Variants in LMO4 observed in about 807,000 individuals in gnomAD.
LMO4 encodes the protein LIM domain only 4.
A neutral mutation model predicts 18.5 loss-of-function variants in LMO4; 3 were observed. The observed-to-expected ratio is 0.16, with a 90% CI of 0.07 to 0.42. The LOEUF (loss-of-function observed/expected upper bound fraction) is 0.42. Among genes scored for constraint, LMO4 ranks in the 10% least tolerant of loss-of-function variants. The pLI is 0.99. For synonymous variants in LMO4, 100 were observed against 88.1 expected (o/e 1.14, Z -0.76); for missense variants, 121 against 219.9 (o/e 0.55, Z 2.84).
intron 4 of LMO4, among the ~76,000 whole-genome samples, chr1:87,341,100 G>C (rs915389511): frequency 6.6e-6 from 1 of 152,168 alleles, no homozygotes; most frequent in Admixed American, 6.5e-5. Context: ...TCAGTTAAGA[G>C]ACTGTTCATT....
At chr1:87,335,545 A>C (rs1650283316) in intron 2 of LMO4, among the ~76,000 whole-genome samples, 1 of 151,854 alleles carries the variant, frequency 6.6e-6, no homozygotes, top group South Asian at 2.1e-4. Flanking sequence ...TGGCGCCCGC[A>C]GCCGCAGTGA....
At chr1:87,332,346 G>C in intron 2 of LMO4, 95 bp downstream of exon 2, 1 of 897,332 alleles carries the variant, frequency 1.1e-6, no homozygotes. Context: ...GCGTCTACGG[G>C]GAGTATGCAG....
chr1:87,337,821 C>T (rs1179495576), intron 2 of LMO4, among the ~76,000 whole-genome samples: 1 of 152,196 alleles, frequency 6.6e-6, no homozygotes, highest in African/African-American at 2.4e-5. Context: ...ATCAGTGTTC[C>T]TGAAGTGTCC....
intron 4 of LMO4, among the ~76,000 whole-genome samples, chr1:87,342,237 C>CA (rs1235962848): frequency 6.6e-6 from 1 of 152,122 alleles, no homozygotes; most frequent in Non-Finnish European, 1.5e-5. Context: ...TGAATACAGG[C>CA]AATAGCAGTG....
rs895873456 is a variant in LMO4 at position 87,331,830 on chromosome 1, C to G, written c.-3-183C>G. 5 of 586,280 alleles carry G rather than the reference C, an allele frequency of 8.5e-6. No homozygotes were observed. The African/African-American group carries it at 9.3e-5, about 11-fold the overall frequency. 36.3% of individuals were successfully genotyped at this position (586,280 alleles called of 1,614,324 possible). A position where few individuals can be genotyped will look rare whatever the true frequency, so the allele number is the denominator to read the frequency against. Reference sequence around the variant, plus strand: ...CTTGAGAAAAGTAAACAGGCGGCTGCTGCCGGCGAGCCTCCCTTCTTCCCT... The same window carrying G: ...CTTGAGAAAAGTAAACAGGCGGCTGGTGCCGGCGAGCCTCCCTTCTTCCCT... On this transcript the variant is annotated intron_variant, in intron 1 of 4. Coordinates refer to ENST00000370544, the MANE Select transcript of LMO4 (RefSeq NM_006769.4).
chr1:87,339,911 C>CA, intron 3 of LMO4, 136 bp from the exon 4 acceptor site: 1 of 994,618 alleles, frequency 1.0e-6, no homozygotes, highest in Non-Finnish European at 1.5e-6. Context: ...GGAGATCTGT[C>CA]AAAGGAAGAA....
intron 1 of LMO4, chr1:87,331,584 C>G (rs1570648578): frequency 5.5e-6 from 1 of 181,502 alleles, no homozygotes; most frequent in East Asian, 1.7e-4. Context: ...GGGGAGGGGC[C>G]GGGCGCGGCG....
At chr1:87,331,214 C>G (rs947917212) in intron 1 of LMO4, 29 of 152,040 alleles carry the variant, frequency 1.9e-4, no homozygotes, top group African/African-American at 6.5e-4. Flanking sequence ...TTGCCTGTGT[C>G]CTGAAAACCC....
rs1232612138 is a variant in LMO4, at chr1:87,328,906, C to T, written c.-342C>T. The T allele has an allele frequency of 6.6e-6, 1 of 152,368 alleles. No individual in the cohort carries two copies. The highest frequency in any genetic ancestry group is 6.6e-5 in the Admixed American group (1 of 15,266). The allele number at this position is 152,368 out of a possible 1,614,324, so 9.4% of individuals were successfully genotyped here. A position where few individuals can be genotyped will look rare whatever the true frequency, so the allele number is the denominator to read the frequency against. ...CAGCAGCGATTGCAGCAGTTGCTGC[C>T]GCTGCGCCGCGCCTGAAGCCGCGCC... On this transcript the variant is annotated 5_prime_UTR_variant, in exon 1 of 5. Coordinates refer to ENST00000370544, the MANE Select transcript of LMO4 (RefSeq NM_006769.4).
At chr1:87,329,579 T>C (rs182376655) in intron 1 of LMO4, among the ~76,000 whole-genome samples, 252 of 114,196 alleles carry the variant, frequency 2.2e-3, no homozygotes, top group African/African-American at 8.6e-3. Flanking sequence ...ATTTTAAGTA[T>C]GAGAAGTAGT....
chr1:87,345,540 G>A lies in LMO4; in HGVS notation c.*744G>A, dbSNP rs1650602654. 1 of 152,096 alleles carries A rather than the reference G, an allele frequency of 6.6e-6. No individual in the cohort carries two copies. The highest frequency in any genetic ancestry group is 1.5e-5 in the Non-Finnish European group (1 of 68,032). 9.4% of individuals were successfully genotyped at this position (152,096 alleles called of 1,614,324 possible). ...GATATTTTCAGAGACATTTGCTCTAGTATGGTGTATTTAAATAATAAAAAC... is the reference window on the plus strand; with the variant it reads ...GATATTTTCAGAGACATTTGCTCTAATATGGTGTATTTAAATAATAAAAAC... On this transcript the variant is annotated 3_prime_UTR_variant, in exon 5 of 5. Coordinates refer to ENST00000370544, the MANE Select transcript of LMO4 (RefSeq NM_006769.4).
chr1:87,337,766 TC>T (rs1650353352), intron 2 of LMO4, among the ~76,000 whole-genome samples: 1 of 152,180 alleles, frequency 6.6e-6, no homozygotes, highest in Non-Finnish European at 1.5e-5. Flanking sequence ...TTCTGAGAAC[TC>T]CCCTGCGGCA....
chr1:87,335,011 C>T (rs1229956340), intron 2 of LMO4, among the ~76,000 whole-genome samples: 2 of 130,536 alleles, frequency 1.5e-5, no homozygotes, highest in African/African-American at 3.2e-5. Context: ...CAAAATTGGC[C>T]TCTAAGAGAG....
At chr1:87,330,861 G>A (rs1334190092) in intron 1 of LMO4, among the ~76,000 whole-genome samples, 1 of 152,084 alleles carries the variant, frequency 6.6e-6, no homozygotes, top group Non-Finnish European at 1.5e-5. Flanking sequence ...ATTGGACTCG[G>A]GATTGAAGGC....
At chr1:87,335,459 A>AG (rs1650279057) in intron 2 of LMO4, among the ~76,000 whole-genome samples, 1 of 151,700 alleles carries the variant, frequency 6.6e-6, no homozygotes, top group South Asian at 2.1e-4. Context: ...CGGGCCCACG[A>AG]GGGGGCGAGC....
rs111896144 is a variant in LMO4 at position 87,335,484 on chromosome 1, G to C, written c.236+3233G>C. Among the ~76,000 whole-genome samples, 529 of 151,944 alleles carry C rather than the reference G, an allele frequency of 3.5e-3. 1 individual carries two copies. Among genetic ancestry groups the C allele is most frequent in the Non-Finnish European group, 6.1e-3 (411 of 67,920 alleles). On this transcript the variant is annotated intron_variant, in intron 2 of 4. Coordinates refer to ENST00000370544, the MANE Select transcript of LMO4 (RefSeq NM_006769.4). ...AGGGGGCGAGCGCAGGGCGGGAGCC[G>C]GGCGAGCGGGTCGCGCTTTCTTTCC...
chr1:87,348,816 G>A lies in LMO4; in HGVS notation c.*4020G>A, dbSNP rs140325818. 349 of 488,692 alleles carry A rather than the reference G, an allele frequency of 7.1e-4. 1 individual carries two copies. Among genetic ancestry groups the A allele is most frequent in the African/African-American group, 6.2e-3 (318 of 51,550 alleles). 30.3% of individuals were successfully genotyped at this position (488,692 alleles called of 1,614,324 possible). The stretch of plus-strand genomic sequence containing the variant: ...TCTGCTGAGAATGGACGGCAACTCG[G>A]AGGCCTCAAGCCAATAATGTACTAC... On this transcript the variant is annotated 3_prime_UTR_variant, in exon 5 of 5. Transcript: ENST00000370544.
At chr1:87,341,944 C>A (rs574349594) in intron 4 of LMO4, among the ~76,000 whole-genome samples, 2 of 152,178 alleles carry the variant, frequency 1.3e-5, no homozygotes, top group East Asian at 3.9e-4. Context: ...TTTGGAGATA[C>A]CTATTCAGAA....
chr1:87,347,550 G>T lies in LMO4; in HGVS notation c.*2754G>T, dbSNP rs1164358478. 6.6e-6 allele frequency: 1 copy of T among 152,114 alleles called. No individual in the cohort carries two copies. The highest frequency in any genetic ancestry group is 2.4e-5 in the African/African-American group (1 of 41,440). 9.4% of individuals were successfully genotyped at this position (152,114 alleles called of 1,614,324 possible). On this transcript the variant is annotated 3_prime_UTR_variant, in exon 5 of 5. Coordinates refer to ENST00000370544, the MANE Select transcript of LMO4 (RefSeq NM_006769.4). ...CAAGATGGACACTGTTCTTTAGAAA[G>T]GACTTATTTAATATTAACCACGTCA...
Sources: gnomAD v4.1 joint callset for allele counts (sites outside exome capture counted in the v4.1 genomes callset) on GRCh38, gnomAD v4.1.1 for gene constraint, MANE v1.5 for transcripts, NCBI Gene and HGNC (gene_info 2026-07-23, HGNC 2026-07-21) for gene names.